Variants in EML6 observed in about 807,000 individuals in gnomAD.
EML6 encodes the protein echinoderm microtubule-associated protein-like 6.
EML6 carries 154 observed loss-of-function variants against 240.1 expected under a neutral mutation model. The ratio of observed to expected loss-of-function variants is 0.64; its 90% CI spans 0.56 to 0.73. The LOEUF (loss-of-function observed/expected upper bound fraction) is 0.73. EML6 is among the 30% of genes least tolerant of loss of function. EML6 has a pLI of 0.00. For synonymous variants in EML6, 1,148 were observed against 899.0 expected (o/e 1.28, Z -4.95); for missense variants, 2,964 against 2,474.6 (o/e 1.20, Z -4.20).
rs1237920976 is a variant in EML6 at position 54,850,018 on chromosome 2, A to G, written c.1244A>G (p.Lys415Arg). ...KDRKEVIHEM[K>R]FSPDGSYLAV... ...CGAAAAGAAGTCATTCATGAAATGA[A>G]ATTTTCTCCAGATGGTTCTTACCTT... is the stretch of plus-strand genomic sequence containing the variant. The change falls in exon 10 of 42, where the codon AAA (lysine) becomes AGA (arginine). Residue 415 changes from lysine (K) to arginine (R), a missense_variant. Physicochemically the swap from Lys to Arg is conservative, Grantham distance 26. Coordinates refer to ENST00000356458, the MANE Select transcript of EML6 (RefSeq NM_001039753.4). The G allele has an allele frequency of 6.4e-7, 1 of 1,551,574 alleles. No individual in the cohort carries two copies. The highest frequency in any genetic ancestry group is 1.4e-5 in the African/African-American group (1 of 73,056).
chr2:54,890,524 G>C (rs1672409666), intron 17 of EML6, among the ~76,000 whole-genome samples: 1 of 152,068 alleles, frequency 6.6e-6, no homozygotes, highest in Admixed American at 6.6e-5. Context: ...CGAATCAATA[G>C]AAGACATCCT....
At chr2:54,744,019 C>T (rs1254815086) in intron 2 of EML6, among the ~76,000 whole-genome samples, 1 of 151,520 alleles carries the variant, frequency 6.6e-6, no homozygotes, top group Non-Finnish European at 1.5e-5. Context: ...AGCTGGCACA[C>T]TGGGTGGGGG....
At chr2:54,829,108 AGTG>A (rs1412815011) in intron 6 of EML6, among the ~76,000 whole-genome samples, 4 of 152,206 alleles carry the variant, frequency 2.6e-5, no homozygotes, top group African/African-American at 2.4e-5. Flanking sequence ...TCTTTTTAGT[AGTG>A]GTAAAAGAGC....
At chr2:54,921,818 C>A (rs190913395) in intron 26 of EML6, among the ~76,000 whole-genome samples, 1 of 151,922 alleles carries the variant, frequency 6.6e-6, no homozygotes, top group Non-Finnish European at 1.5e-5. Flanking sequence ...CAAAAATATA[C>A]GGTAAGGAGA....
intron 2 of EML6, among the ~76,000 whole-genome samples, chr2:54,798,807 C>T (rs1381155303): frequency 1.3e-5 from 2 of 152,108 alleles, no homozygotes; most frequent in African/African-American, 4.8e-5. Context: ...ACTGCTAGGA[C>T]CTGCAGGCTA....
Position 54,961,184 on chromosome 2 carries a change from G to GTTGTTTTTTTTTTTTTTTTTTGTTTTTT in EML6, c.4968+852_4968+853insGTTTTTTTTTTTTTTTTTTGTTTTTTTT. On this transcript the variant is annotated intron_variant, in intron 35 of 41. Transcript: ENST00000356458. ...GGAGCCTGGAAGTTATCAGGAAGTA[G>GTTGTTTTTTTTTTTTTTTTTTGTTTTTT]TTTTTTTTTTTTTTTTTTTGAGACG... Among the ~76,000 whole-genome samples, 2 of 55,424 alleles carry GTTGTTTTTTTTTTTTTTTTTTGTTTTTT rather than the reference G, an allele frequency of 3.6e-5. 1 individual carries two copies. The highest frequency in any genetic ancestry group is 1.6e-4 in the African/African-American group (2 of 12,356). 36.4% of individuals were successfully genotyped at this position (55,424 alleles called of 152,430 possible).
chr2:54,908,668 T>C (rs1308801953), intron 24 of EML6, among the ~76,000 whole-genome samples: 1 of 152,140 alleles, frequency 6.6e-6, no homozygotes, highest in African/African-American at 2.4e-5. Context: ...GACCCCTCTC[T>C]CTGCACAAGC....
chr2:54,771,972 A>C (rs1478940310), intron 2 of EML6, among the ~76,000 whole-genome samples: 4 of 152,240 alleles, frequency 2.6e-5, no homozygotes, highest in African/African-American at 9.6e-5. Flanking sequence ...AACTAAACTG[A>C]CAGTCTCTCA....
chr2:54,951,183 T>A (rs1447502571), intron 30 of EML6, among the ~76,000 whole-genome samples: 3 of 152,204 alleles, frequency 2.0e-5, no homozygotes, highest in Admixed American at 2.0e-4. Context: ...TTTTTCAAGT[T>A]GTATTTTGAC....
At chr2:54,779,717 C>T (rs935862728) in intron 2 of EML6, among the ~76,000 whole-genome samples, 4 of 151,250 alleles carry the variant, frequency 2.6e-5, no homozygotes, top group Non-Finnish European at 4.4e-5. Context: ...CAAAAATTAG[C>T]GGGGTATGGT....
At chr2:54,822,290 G>A (rs190584722) in intron 5 of EML6, among the ~76,000 whole-genome samples, 31 of 152,298 alleles carry the variant, frequency 2.0e-4, no homozygotes, top group Non-Finnish European at 3.7e-4. Context: ...CTGGTAGAGA[G>A]GGGTAAGCTG....
In EML6 at chr2:54,892,645, G is replaced by T; in HGVS notation, c.2731G>T (p.Ala911Ser). ...AHDGPVFAMYALDKGFVTGGK... is the reference protein window; with the variant it reads ...AHDGPVFAMYSLDKGFVTGGK... ...TGATGGGCCTGTGTTTGCTATGTAT[G>T]CACTGGATAAGGTATGGCCTGTGTA... The change falls in exon 19 of 42, where the codon GCA (alanine) becomes TCA (serine). Residue 911 changes from alanine (A) to serine (S), a missense_variant. Transcript: ENST00000356458. The T allele has an allele frequency of 1.3e-6, 2 of 1,550,958 alleles. No individual in the cohort carries two copies. The highest frequency in any genetic ancestry group is 1.7e-6 in the Non-Finnish European group (2 of 1,146,294).
At chr2:54,747,590 C>A (rs1301488845) in intron 2 of EML6, 3 of 152,076 alleles carry the variant, frequency 2.0e-5, no homozygotes, top group African/African-American at 7.2e-5. Flanking sequence ...TGTCTGAAAC[C>A]CACATAAAGA....
rs1414250500 is a variant in EML6, at chr2:54,971,149, G to GGTCAA, written c.*1058_*1062dup. Reference sequence around the variant, plus strand: ...TTGATTGCTTCAGGCGAACTATATAGGTCAAGTCCAGATTATAAAAAAATT... The same window carrying GGTCAA: ...TTGATTGCTTCAGGCGAACTATATAGGTCAAGTCAAGTCCAGATTATAAAAAAATT... On this transcript the variant is annotated 3_prime_UTR_variant, in exon 42 of 42. Coordinates refer to ENST00000356458, the MANE Select transcript of EML6 (RefSeq NM_001039753.4). 6.6e-6 allele frequency: 1 copy of GGTCAA among 152,164 alleles called. No homozygotes were observed. Among genetic ancestry groups the GGTCAA allele is most frequent in the Non-Finnish European group, 1.5e-5 (1 of 68,032 alleles). The allele number at this position is 152,164 out of a possible 1,614,324, so 9.4% of individuals were successfully genotyped here.
At chr2:54,856,751 C>T (rs750109583) in intron 11 of EML6, among the ~76,000 whole-genome samples, 8 of 152,100 alleles carry the variant, frequency 5.3e-5, no homozygotes, top group East Asian at 1.9e-4. Flanking sequence ...AAATCAGAGT[C>T]GTCTTCTAAG....
At chr2:54,824,968 C>T (rs990518891) in intron 5 of EML6, among the ~76,000 whole-genome samples, 2 of 152,150 alleles carry the variant, frequency 1.3e-5, no homozygotes, top group Non-Finnish European at 2.9e-5. Flanking sequence ...CAGGTATTTG[C>T]CATTTTCTGC....
rs562214897 is a variant in EML6, at chr2:54,940,340, T to A, written c.4005-8542T>A. 9.8e-5 allele frequency among the ~76,000 whole-genome samples: 15 copies of A among 152,286 alleles called. 1 individual carries two copies. The East Asian group carries it at 2.3e-3, about 24-fold the overall frequency. ...ACTATATACTGTGGGCTTAAAAAAA[T>A]TTTATGGGGTTTCAGAGATTTTTTT... On this transcript the variant is annotated intron_variant, in intron 28 of 41. Transcript: ENST00000356458.
intron 12 of EML6, among the ~76,000 whole-genome samples, chr2:54,862,419 C>T (rs777639460): frequency 6.7e-5 from 9 of 134,020 alleles, no homozygotes; most frequent in Admixed American, 3.1e-4. Flanking sequence ...AGAGGTTCAA[C>T]AGCAGACTAG....
intron 5 of EML6, among the ~76,000 whole-genome samples, chr2:54,820,982 A>G (rs555933417): frequency 2.0e-5 from 3 of 152,260 alleles, no homozygotes; most frequent in African/African-American, 7.2e-5. Flanking sequence ...GTAGACCTAC[A>G]TTTGCTTCTT....
Sources: allele counts gnomAD v4.1 joint callset (sites outside exome capture counted in the v4.1 genomes callset), GRCh38; gene constraint gnomAD v4.1.1; transcripts MANE v1.5; gene names NCBI Gene and HGNC (gene_info 2026-07-23, HGNC 2026-07-21).